Variants in PITPNM2 observed in about 807,000 individuals in gnomAD.
PITPNM2 encodes phosphatidylinositol transfer protein membrane associated 2.
PITPNM2 carries 35 observed loss-of-function variants against 132.2 expected under a neutral mutation model. The observed-to-expected ratio is 0.26, with a 90% CI of 0.20 to 0.35. The LOEUF (loss-of-function observed/expected upper bound fraction) is 0.35. PITPNM2 is among the 10% of genes least tolerant of loss of function. The probability of loss-of-function intolerance (pLI) is 1.00; values close to 1 mark genes in which losing one functional copy is unlikely to be tolerated. For missense variants in PITPNM2, 1,332 were observed against 1,912.0 expected, an observed-to-expected ratio of 0.70 and a Z score of 5.66; for synonymous variants, 738 against 799.2, an observed-to-expected ratio of 0.92 and a Z score of 1.29.
In PITPNM2 at chr12:123,111,122, A is replaced by T. The variant is rs1168562137; in HGVS notation, c.-199-634T>A. Among the ~76,000 whole-genome samples, 1 of 152,190 alleles carries T rather than the reference A, an allele frequency of 6.6e-6. No homozygotes were observed. The highest frequency in any genetic ancestry group is 1.5e-5 in the Non-Finnish European group (1 of 68,036). On this transcript the variant is annotated intron_variant, in intron 1 of 25. Transcript: ENST00000320201. This position sits in a 1 kb window ranked among gnomAD's most constrained non-coding sequence, Gnocchi z 4.1. ...AGTCGCAGGTCCAACAGCCTCAGAGATGACAAAGTCTTCACAGGTACCACT... is the reference window on the plus strand; with the variant it reads ...AGTCGCAGGTCCAACAGCCTCAGAGTTGACAAAGTCTTCACAGGTACCACT...
At chr12:122,989,363 G>A (rs986622114) in intron 18 of PITPNM2, among the ~76,000 whole-genome samples, 5 of 152,288 alleles carry the variant, frequency 3.3e-5, no homozygotes, top group Admixed American at 1.3e-4. Flanking sequence ...CAGTGTGGGC[G>A]GGGAAGCCTG....
chr12:123,027,848 T>C (rs2039921428), intron 3 of PITPNM2, among the ~76,000 whole-genome samples: 1 of 152,260 alleles, frequency 6.6e-6, no homozygotes. Flanking sequence ...AGCTGACCTC[T>C]GGCTCCCCAC....
At chr12:123,075,383 C>G (rs994820574) in intron 2 of PITPNM2, among the ~76,000 whole-genome samples, 4 of 152,214 alleles carry the variant, frequency 2.6e-5, no homozygotes, top group African/African-American at 9.7e-5. Flanking sequence ...CGCATCAGAG[C>G]GGCCTGTCCT....
chr12:123,093,986 C>A (rs945449248), intron 2 of PITPNM2, among the ~76,000 whole-genome samples: 3 of 152,220 alleles, frequency 2.0e-5, no homozygotes, highest in Admixed American at 6.5e-5. Flanking sequence ...AGTGAGAGGC[C>A]CCTCAGGCTG....
At chr12:123,059,999 G>C (rs943084308) in intron 2 of PITPNM2, among the ~76,000 whole-genome samples, 3 of 152,172 alleles carry the variant, frequency 2.0e-5, no homozygotes, top group Non-Finnish European at 4.4e-5. Context: ...AGGAAAGAAA[G>C]GTCAGGCAGA....
chr12:123,014,124 G>T, intron 3 of PITPNM2, 82 bp from the exon 4 acceptor site: 1 of 1,474,244 alleles, frequency 6.8e-7, no homozygotes, highest in South Asian at 1.2e-5. Context: ...CTGGGCCCAG[G>T]GGTGTGGAAA....
intron 2 of PITPNM2, chr12:123,089,075 T>C (rs1015371671): frequency 3.3e-5 from 5 of 152,072 alleles, no homozygotes; most frequent in African/African-American, 4.8e-5. Flanking sequence ...CCTGACACCA[T>C]AGCAGGTATA....
At chr12:123,134,084 T>A (rs77391140) in intron 1 of PITPNM2, among the ~76,000 whole-genome samples, 33 of 152,248 alleles carry the variant, frequency 2.2e-4, no homozygotes, top group African/African-American at 7.9e-4. Flanking sequence ...ATTTTTTTTT[T>A]AGATCGAGTC....
intron 2 of PITPNM2, chr12:123,105,535 A>G (rs2137278419): frequency 6.6e-6 from 1 of 152,322 alleles, no homozygotes; most frequent in African/African-American, 2.4e-5. Context: ...CAGGGTTCAC[A>G]TCTCAGGAAG....
intron 2 of PITPNM2, among the ~76,000 whole-genome samples, chr12:123,101,016 T>C (rs1241404196): frequency 6.6e-6 from 1 of 152,238 alleles, no homozygotes; most frequent in Non-Finnish European, 1.5e-5. Context: ...GCCAGGTGCA[T>C]GGCCACCTTT....
At position 123,110,448 on chromosome 12, in the gene PITPNM2, C is replaced by T. The variant is rs1358324444; in HGVS notation, c.-159G>A. The T allele has an allele frequency of 6.6e-6, 1 of 152,276 alleles. No homozygotes were observed. Among genetic ancestry groups the T allele is most frequent in the Non-Finnish European group, 1.5e-5 (1 of 68,162 alleles). The allele number at this position is 152,276 out of a possible 1,614,324, so 9.4% of individuals were successfully genotyped here. On this transcript the variant is annotated 5_prime_UTR_variant, in exon 2 of 26. Transcript: ENST00000320201. ...AGGAGGAGAAATGGGTCCCTAGGCTCACAGAAGGTTGTTGAGGACCAGGAC... is the reference window on the plus strand; with the variant it reads ...AGGAGGAGAAATGGGTCCCTAGGCTTACAGAAGGTTGTTGAGGACCAGGAC...
chr12:122,999,466 T>C (rs933274877), intron 10 of PITPNM2, among the ~76,000 whole-genome samples: 6 of 152,170 alleles, frequency 3.9e-5, no homozygotes, highest in African/African-American at 1.4e-4. Context: ...GAAGGGCTTA[T>C]GGAAGAAATG....
Position 123,009,878 on chromosome 12 carries a change from G to A in PITPNM2, c.615C>T (p.Ser205=), listed in dbSNP as rs2039109160. Residue 205 remains serine (S), a synonymous_variant, in exon 6 of 26, where the codon TCC becomes TCT. Transcript: ENST00000320201. This position sits in a 1 kb window ranked among gnomAD's most constrained non-coding sequence, Gnocchi z 4.8. ...TGTCGTGGATGAACCTCTCGATCTT[G>A]GACTGCATGCCCCAGTAGCGGAACT... is the stretch of plus-strand genomic sequence containing the variant. The part of the protein sequence containing the change: ...KVEFRYWGMQ[S]KIERFIHDTG... The A allele has an allele frequency of 1.2e-6, 2 of 1,614,150 alleles. No individual in the cohort carries two copies. The highest frequency in any genetic ancestry group is 1.7e-6 in the Non-Finnish European group (2 of 1,180,038).
At chr12:123,042,815 C>T (rs978359028) in intron 2 of PITPNM2, among the ~76,000 whole-genome samples, 1 of 152,150 alleles carries the variant, frequency 6.6e-6, no homozygotes, top group Non-Finnish European at 1.5e-5. Flanking sequence ...CAGGCCTCCC[C>T]TAACCATCTA....
At chr12:123,121,377 A>C (rs934653572) in intron 1 of PITPNM2, among the ~76,000 whole-genome samples, 1 of 152,206 alleles carries the variant, frequency 6.6e-6, no homozygotes, top group Non-Finnish European at 1.5e-5. Context: ...CAAAACAAAC[A>C]AACAAAAATC....
rs2039707532 is a variant in PITPNM2 at position 123,022,486 on chromosome 12, T to A, written c.79-8444A>T. 6.6e-6 allele frequency among the ~76,000 whole-genome samples: 1 copy of A among 152,020 alleles called. No homozygotes were observed. The stretch of plus-strand genomic sequence containing the variant: ...GAGAGGGCTTCCTGGAAAAAGAGGC[T>A]ACCAAGGGAGGCAAAGAGCATGAAT... On this transcript the variant is annotated intron_variant, in intron 3 of 25. Transcript: ENST00000320201. This position sits in a 1 kb window ranked among gnomAD's most constrained non-coding sequence, Gnocchi z 4.9.
chr12:123,041,846 AG>A (rs1176738152), intron 2 of PITPNM2, among the ~76,000 whole-genome samples: 5 of 151,994 alleles, frequency 3.3e-5, no homozygotes, highest in Admixed American at 1.3e-4. Context: ...CAGGGATGAC[AG>A]GGACCCTTCC....
At chr12:123,052,738 G>A (rs1311233218) in intron 2 of PITPNM2, among the ~76,000 whole-genome samples, 1 of 149,050 alleles carries the variant, frequency 6.7e-6, no homozygotes, top group Non-Finnish European at 1.5e-5. Context: ...TGGTCATGCT[G>A]TAATAATATA....
intron 2 of PITPNM2, among the ~76,000 whole-genome samples, chr12:123,065,592 G>GA (rs1321100364): frequency 1.3e-5 from 2 of 152,252 alleles, no homozygotes; most frequent in Non-Finnish European, 2.9e-5. Context: ...CCAGAAAAGG[G>GA]AAAGGATTTT....
Sources: gnomAD v4.1 joint callset for allele counts (sites outside exome capture counted in the v4.1 genomes callset) on GRCh38, gnomAD v4.1.1 for gene constraint, Gnocchi (gnomAD v3.1) non-coding constraint, MANE v1.5 for transcripts, NCBI Gene and HGNC (gene_info 2026-07-23, HGNC 2026-07-21) for gene names.